The following PCDHGA3 variants were observed in gnomAD, a reference collection of about 807,000 sequenced individuals.
PCDHGA3 encodes protocadherin gamma subfamily A, 3, also known as protocadherin gamma-A3.
In PCDHGA3, 40 loss-of-function variants were observed where a neutral mutation model predicts 58.5. The observed-to-expected ratio is 0.68, with a 90% CI of 0.53 to 0.89. PCDHGA3 has a LOEUF of 0.89. Ranked by LOEUF, PCDHGA3 falls within the 40% of genes least tolerant of loss-of-function variation. The pLI, the probability that PCDHGA3 is intolerant of heterozygous loss-of-function variation, is 0.00. For synonymous variants in PCDHGA3, 530 were observed against 525.7 expected, an observed-to-expected ratio of 1.01 and a Z score of -0.11; for missense variants, 1,223 against 1,195.9, an observed-to-expected ratio of 1.02 and a Z score of -0.33.
chr5:141,351,433 A>G, intron 1 of PCDHGA3: 1 of 1,612,116 alleles, frequency 6.2e-7, no homozygotes, highest in Non-Finnish European at 8.5e-7. Context: ...TCAAATTAGA[A>G]TCCACCTCGA....
intron 1 of PCDHGA3, among the ~76,000 whole-genome samples, chr5:141,460,285 T>C (rs1283830175): frequency 1.3e-5 from 2 of 152,154 alleles, no homozygotes; most frequent in Admixed American, 6.5e-5. Context: ...ATAGTTTGTA[T>C]TTCTTATGTC....
chr5:141,431,991 A>T lies in PCDHGA3; in HGVS notation c.2425-62816A>T, dbSNP rs1046547219. On this transcript the variant is annotated intron_variant, in intron 1 of 3. Transcript: ENST00000253812. The surrounding 1 kb of genome is among the most constrained non-coding windows in gnomAD (Gnocchi z 4.8). ...AGTTTAGTCACAGACATAGTCTTGG[A>T]TAGGGAACAGGTTCCTAGCTACAAC... is the stretch of plus-strand genomic sequence containing the variant. 5 of 1,614,100 alleles carry T rather than the reference A, an allele frequency of 3.1e-6. No individual in the cohort carries two copies. Among genetic ancestry groups the T allele is most frequent in the Non-Finnish European group, 3.4e-6 (4 of 1,180,050 alleles).
Position 141,345,410 on chromosome 5 carries a change from C to T in PCDHGA3, c.1377C>T (p.Ala459=). 6.2e-7 allele frequency: 1 copy of T among 1,614,104 alleles called. No individual in the cohort carries two copies. The highest frequency in any genetic ancestry group is 8.5e-7 in the Non-Finnish European group (1 of 1,180,028). ...PPTFPHLSYS[A]YIPENNPRGA... is the part of the protein sequence containing the mutation. The stretch of plus-strand genomic sequence containing the variant: ...CCTTCCCTCATTTATCCTACTCCGC[C>T]TACATTCCAGAAAACAACCCCAGAG... Residue 459 remains alanine, a synonymous_variant, in exon 1 of 4, where the codon GCC becomes GCT. Transcript: ENST00000253812.
intron 1 of PCDHGA3, chr5:141,427,278 A>G (rs981860450): frequency 2.2e-6 from 1 of 456,706 alleles, no homozygotes; most frequent in Non-Finnish European, 4.4e-6. Context: ...ATGTAAAATT[A>G]TACTAGAAAT....
At chr5:141,500,086 A>G (rs1456179271) in intron 2 of PCDHGA3, among the ~76,000 whole-genome samples, 1 of 151,682 alleles carries the variant, frequency 6.6e-6, no homozygotes, top group Non-Finnish European at 1.5e-5. Flanking sequence ...TCCATCTTCC[A>G]TTTTTGCAAT....
At chr5:141,443,169 T>C (rs946262743) in intron 1 of PCDHGA3, among the ~76,000 whole-genome samples, 2 of 152,170 alleles carry the variant, frequency 1.3e-5, no homozygotes, top group Non-Finnish European at 2.9e-5. Flanking sequence ...TCCCTACCCA[T>C]GTCCACTGCA....
chr5:141,357,079 C>G, intron 1 of PCDHGA3: 6 of 1,613,938 alleles, frequency 3.7e-6, no homozygotes, highest in Non-Finnish European at 5.1e-6. Context: ...AGGCGAGGTG[C>G]GCACCGCACG....
chr5:141,510,582 A>G (rs1156375287), intron 3 of PCDHGA3, among the ~76,000 whole-genome samples: 2 of 152,166 alleles, frequency 1.3e-5, no homozygotes, highest in Non-Finnish European at 2.9e-5. Context: ...TATTTTACGT[A>G]CCTGACATAC....
chr5:141,421,353 G>C, intron 1 of PCDHGA3: 1 of 1,613,998 alleles, frequency 6.2e-7, no homozygotes, highest in Non-Finnish European at 8.5e-7. Flanking sequence ...AGACCGAAAA[G>C]GGCTCCTTCG....
chr5:141,393,905 A>G, intron 1 of PCDHGA3: 1 of 1,614,030 alleles, frequency 6.2e-7, no homozygotes, highest in Non-Finnish European at 8.5e-7. Flanking sequence ...TTCCCGGGAC[A>G]GTAATTGCCT....
intron 1 of PCDHGA3, among the ~76,000 whole-genome samples, chr5:141,492,622 C>A (rs2099742615): frequency 6.6e-6 from 1 of 152,218 alleles, no homozygotes; most frequent in South Asian, 2.1e-4. Flanking sequence ...GCCGGGCGGG[C>A]AGGACTCTAC....
At chr5:141,399,836 T>C (rs2093900703) in intron 1 of PCDHGA3, 2 of 1,613,080 alleles carry the variant, frequency 1.2e-6, no homozygotes, top group East Asian at 2.2e-5. Context: ...GGCTCTGCGC[T>C]CTTCGATATG....
Position 141,393,633 on chromosome 5 carries a change from A to G in PCDHGA3, c.2424+47176A>G, listed in dbSNP as rs376168054. The stretch of plus-strand genomic sequence containing the variant: ...AGCCAGCGACCCGGATGAGGGAATC[A>G]ACGGAAAAGTGGCATACAAATTCCG... On this transcript the variant is annotated intron_variant, in intron 1 of 3. Transcript: ENST00000253812. 8 of 1,613,854 alleles carry G rather than the reference A, an allele frequency of 5.0e-6. No homozygotes were observed. The highest frequency in any genetic ancestry group is 1.3e-5 in the African/African-American group (1 of 74,956).
rs757797019 is a variant in PCDHGA3 at position 141,487,064 on chromosome 5, G to A, written c.2425-7743G>A. On this transcript the variant is annotated intron_variant, in intron 1 of 3. Transcript: ENST00000253812. The surrounding 1 kb of genome is among the most constrained non-coding windows in gnomAD (Gnocchi z 5.0). The stretch of plus-strand genomic sequence containing the variant: ...TCGATATGCTGGGGAGGTGCGGACG[G>A]CTGTTCCTATCCCAGCTGACCTCCC... 6.2e-6 allele frequency: 10 copies of A among 1,614,006 alleles called. No individual in the cohort carries two copies.
At chr5:141,371,256 G>A in intron 1 of PCDHGA3, 2 of 1,614,052 alleles carry the variant, frequency 1.2e-6, no homozygotes, top group East Asian at 2.2e-5. Context: ...TGGCAAGGAA[G>A]TGAGACAACT....
Position 141,490,600 on chromosome 5 carries a change from T to G in PCDHGA3, c.2425-4207T>G. 6.2e-7 allele frequency: 1 copy of G among 1,614,164 alleles called. No homozygotes were observed. Among genetic ancestry groups the G allele is most frequent in the South Asian group, 1.1e-5 (1 of 91,072 alleles). ...AGATGTCAATGACAATGCACCCCGCTTCAACCAGCAGCTTTACACTGCTTA... is the reference window on the plus strand; with the variant it reads ...AGATGTCAATGACAATGCACCCCGCGTCAACCAGCAGCTTTACACTGCTTA... On this transcript the variant is annotated intron_variant, in intron 1 of 3. Coordinates refer to ENST00000253812, the MANE Select transcript of PCDHGA3 (RefSeq NM_018916.4). The surrounding 1 kb of genome is among the most constrained non-coding windows in gnomAD (Gnocchi z 5.4).
intron 1 of PCDHGA3, among the ~76,000 whole-genome samples, chr5:141,463,534 C>T (rs866525322): frequency 2.6e-4 from 39 of 148,938 alleles, no homozygotes; most frequent in Admixed American, 7.5e-4. Flanking sequence ...CTAGAAACTC[C>T]GGCTCCCGGG....
At chr5:141,355,634 A>G in intron 1 of PCDHGA3, 2 of 1,614,002 alleles carry the variant, frequency 1.2e-6, no homozygotes, top group African/African-American at 2.7e-5. Context: ...GTTGCTGAAA[A>G]TGAAAATCCT....
intron 1 of PCDHGA3, among the ~76,000 whole-genome samples, chr5:141,436,832 C>T (rs1242760381): frequency 6.6e-6 from 1 of 152,172 alleles, no homozygotes; most frequent in African/African-American, 2.4e-5. Flanking sequence ...ATCTTAAGTG[C>T]CTAGGCACAT....
Sources: allele counts gnomAD v4.1 joint callset (sites outside exome capture counted in the v4.1 genomes callset), GRCh38; gene constraint gnomAD v4.1.1; non-coding constraint Gnocchi (gnomAD v3.1); transcripts MANE v1.5; gene names NCBI Gene and HGNC (gene_info 2026-07-23, HGNC 2026-07-21).